Variants in MVB12B observed in about 807,000 individuals in gnomAD.
The protein encoded by MVB12B is multivesicular body subunit 12B.
Under a neutral mutation model 41.6 loss-of-function variants are expected in MVB12B, and 16 were observed. The ratio of observed to expected loss-of-function variants is 0.38; its 90% confidence interval spans 0.26 to 0.58. The LOEUF (loss-of-function observed/expected upper bound fraction) is 0.58. MVB12B is among the 20% of genes least tolerant of loss of function. The pLI is 0.62. For synonymous variants in MVB12B, 133 were observed against 139.7 expected (o/e 0.95, Z 0.34); for missense variants, 274 against 380.2 (o/e 0.72, Z 2.32).
intron 1 of MVB12B, among the ~76,000 whole-genome samples, chr9:126,337,942 T>G (rs1041834160): frequency 2.0e-5 from 3 of 152,002 alleles, no homozygotes; most frequent in Non-Finnish European, 2.9e-5. Flanking sequence ...GGCCTTTTGT[T>G]AGGAAGGTCA....
At chr9:126,462,275 G>A (rs904925628) in intron 7 of MVB12B, among the ~76,000 whole-genome samples, 1 of 152,192 alleles carries the variant, frequency 6.6e-6, no homozygotes, top group African/African-American at 2.4e-5. Flanking sequence ...TAAAATGCAG[G>A]CCAGGGTATT....
intron 9 of MVB12B, among the ~76,000 whole-genome samples, chr9:126,490,028 G>A (rs558923993): frequency 2.6e-5 from 4 of 152,222 alleles, no homozygotes; most frequent in Non-Finnish European, 4.4e-5. Flanking sequence ...AAGGCTGTCT[G>A]TGTCCCAGAG....
intron 2 of MVB12B, among the ~76,000 whole-genome samples, chr9:126,361,763 A>T (rs906002574): frequency 1.3e-5 from 2 of 152,132 alleles, no homozygotes; most frequent in Non-Finnish European, 2.9e-5. Context: ...AAATACAAAA[A>T]ATTAGCTGGG....
chr9:126,431,779 C>T lies in MVB12B; in HGVS notation c.757+9831C>T, dbSNP rs568805879. Among the ~76,000 whole-genome samples the T allele has an allele frequency of 2.6e-4, 39 of 152,254 alleles. No individual in the cohort carries two copies. In the South Asian group the frequency reaches 7.5e-3, roughly 29 times the overall value. On this transcript the variant is annotated intron_variant, in intron 7 of 9. Coordinates refer to ENST00000361171, the MANE Select transcript of MVB12B (RefSeq NM_033446.3). Reference sequence around the variant, plus strand: ...TGGGTGCAGGCCCTGTCTCTCCCACCGACTAGCCGAGTGAGGCCAGCAGAG... The same window carrying T: ...TGGGTGCAGGCCCTGTCTCTCCCACTGACTAGCCGAGTGAGGCCAGCAGAG...
chr9:126,407,630 G>A (rs920954786), intron 6 of MVB12B, among the ~76,000 whole-genome samples: 10 of 151,648 alleles, frequency 6.6e-5, no homozygotes, highest in Admixed American at 2.0e-4. Context: ...CACCCCCACC[G>A]ACGCCCTCAC....
Position 126,326,963 on chromosome 9 carries a change from G to A in MVB12B, c.34G>A (p.Asp12Asn), listed in dbSNP as rs1267086204. 12 of 266,646 alleles carry A rather than the reference G, an allele frequency of 4.5e-5. No homozygotes were observed. The highest frequency in any genetic ancestry group is 8.5e-5 in the Admixed American group (2 of 23,490). 16.5% of individuals were successfully genotyped at this position (266,646 alleles called of 1,614,324 possible). A position where few individuals can be genotyped will look rare whatever the true frequency, so the allele number is the denominator to read the frequency against. ...RSCFCVRRSR[D>N]PPPPQPPPPP... ...CTGCTTCTGCGTGAGACGGAGCCGG[G>A]ACCCGCCGCCGCCGCAGCCACCGCC... The change falls in exon 1 of 10, where the codon GAC (aspartate) becomes AAC (asparagine). Residue 12 changes from aspartate to asparagine, a missense_variant. Asp to Asn is a conservative substitution (Grantham distance 23). Coordinates refer to ENST00000361171, the MANE Select transcript of MVB12B (RefSeq NM_033446.3).
intron 7 of MVB12B, among the ~76,000 whole-genome samples, chr9:126,471,130 T>C (rs1000175860): frequency 1.1e-4 from 16 of 152,350 alleles, no homozygotes; most frequent in African/African-American, 3.8e-4. Flanking sequence ...TCTAAACTCA[T>C]TTCCTGCAGA....
intron 7 of MVB12B, among the ~76,000 whole-genome samples, chr9:126,466,483 AC>A (rs1833201166): frequency 6.6e-6 from 1 of 152,202 alleles, no homozygotes; most frequent in African/African-American, 2.4e-5. Context: ...GAGAGAAATG[AC>A]AAATCATATT....
At position 126,340,391 on chromosome 9, in the gene MVB12B, C is replaced by T; in HGVS notation, c.82-117C>T. The T allele has an allele frequency of 1.8e-6, 2 of 1,136,092 alleles. No homozygotes were observed. Among genetic ancestry groups the T allele is most frequent in the Non-Finnish European group, 2.6e-6 (2 of 777,604 alleles). 70.4% of individuals were successfully genotyped at this position (1,136,092 alleles called of 1,614,324 possible). ...AGGGTCAGGACTCATTCAACCAGTA[C>T]AGGTATGTGAAACTCAGGGTATTTG... On this transcript the variant is annotated intron_variant, in intron 1 of 9. Transcript: ENST00000361171. This position sits in a 1 kb window ranked among gnomAD's most constrained non-coding sequence, Gnocchi z 4.0.
chr9:126,352,706 A>T (rs1829785080), intron 2 of MVB12B, among the ~76,000 whole-genome samples: 1 of 152,074 alleles, frequency 6.6e-6, no homozygotes, highest in African/African-American at 2.4e-5. Context: ...CAGTTTTTTT[A>T]GTTGTACTTA....
At chr9:126,490,864 G>A (rs1472383493) in intron 9 of MVB12B, among the ~76,000 whole-genome samples, 1 of 152,126 alleles carries the variant, frequency 6.6e-6, no homozygotes, top group Non-Finnish European at 1.5e-5. Flanking sequence ...GTGTAGTCAC[G>A]TGGAATGTTC....
At chr9:126,387,031 G>A (rs963345890) in intron 4 of MVB12B, among the ~76,000 whole-genome samples, 11 of 152,096 alleles carry the variant, frequency 7.2e-5, no homozygotes, top group Admixed American at 6.5e-4. Context: ...ATCAAAAGAC[G>A]CCCAGAGAAC....
chr9:126,499,193 A>C (rs1833899049), intron 9 of MVB12B, among the ~76,000 whole-genome samples: 1 of 152,136 alleles, frequency 6.6e-6, no homozygotes, highest in Admixed American at 6.5e-5. Context: ...TTAGAAGCTG[A>C]GACTCTCGCA....
Position 126,507,011 on chromosome 9 carries a change from T to A in MVB12B, c.*3748T>A, listed in dbSNP as rs1834086978. 2.0e-5 allele frequency: 3 copies of A among 152,706 alleles called. No homozygotes were observed. Among genetic ancestry groups the A allele is most frequent in the Non-Finnish European group, 4.4e-5 (3 of 68,066 alleles). The allele number at this position is 152,706 out of a possible 1,614,324, so 9.5% of individuals were successfully genotyped here. On this transcript the variant is annotated 3_prime_UTR_variant, in exon 10 of 10. Transcript: ENST00000361171. ...GATTGTCTGTATTCTTAATATAATTTGTTAAATAAACGTTTGTTTTAACCT... is the reference window on the plus strand; with the variant it reads ...GATTGTCTGTATTCTTAATATAATTAGTTAAATAAACGTTTGTTTTAACCT...
At chr9:126,452,616 G>C (rs1216707206) in intron 7 of MVB12B, among the ~76,000 whole-genome samples, 4 of 152,178 alleles carry the variant, frequency 2.6e-5, no homozygotes, top group Non-Finnish European at 5.9e-5. Flanking sequence ...TTCTCAGTTA[G>C]TAAGTGAGAA....
chr9:126,414,193 T>G (rs1243649186), intron 6 of MVB12B, among the ~76,000 whole-genome samples: 3 of 152,240 alleles, frequency 2.0e-5, no homozygotes, highest in Non-Finnish European at 4.4e-5. Context: ...TATGGAGCTG[T>G]CTGCAGCTTA....
At chr9:126,443,800 G>T (rs6478740) in intron 7 of MVB12B, among the ~76,000 whole-genome samples, 134,788 of 152,294 alleles carry the variant, frequency 0.89, 59,753 homozygotes, top group East Asian at 1. Flanking sequence ...TCAAACTACA[G>T]GATAGCCGCC....
chr9:126,336,960 A>G (rs1829300648), intron 1 of MVB12B, among the ~76,000 whole-genome samples: 2 of 152,208 alleles, frequency 1.3e-5, no homozygotes, highest in Admixed American at 1.3e-4. Flanking sequence ...GGACCTGCTC[A>G]AGGTCCAGTC....
chr9:126,375,194 A>G (rs1237651173), intron 2 of MVB12B, among the ~76,000 whole-genome samples: 1 of 152,194 alleles, frequency 6.6e-6, no homozygotes, highest in South Asian at 2.1e-4. Context: ...CAGACATTGA[A>G]TACCACTGAA....
Sources: gnomAD v4.1 joint callset for allele counts (sites outside exome capture counted in the v4.1 genomes callset) on GRCh38, gnomAD v4.1.1 for gene constraint, Gnocchi (gnomAD v3.1) non-coding constraint, MANE v1.5 for transcripts, NCBI Gene and HGNC (gene_info 2026-07-23, HGNC 2026-07-21) for gene names.